Variants in PACS2 observed in about 807,000 individuals in gnomAD.
PACS2 encodes phosphofurin acidic cluster sorting protein 2.
In PACS2, 36 loss-of-function variants were observed where a neutral mutation model predicts 113.0. The observed-to-expected ratio is 0.32, with a 90% CI of 0.24 to 0.42. The LOEUF is 0.42. Among genes scored for constraint, PACS2 ranks in the 10% least tolerant of loss-of-function variants. The probability of loss-of-function intolerance (pLI) is 1.00; values close to 1 mark genes in which losing one functional copy is unlikely to be tolerated. For missense variants in PACS2, 1,015 were observed against 1,239.5 expected (o/e 0.82, Z 2.72); for synonymous variants, 589 against 536.1 (o/e 1.10, Z -1.36).
At chr14:105,391,901 G>A in intron 22 of PACS2, 135 bp downstream of exon 22, 1 of 920,138 alleles carries the variant, frequency 1.1e-6, no homozygotes, top group Non-Finnish European at 1.6e-6. Context: ...GAGGGGCTCT[G>A]CAGGACGGCT....
At chr14:105,312,212 C>A (rs908729277), upstream of PACS2, among the ~76,000 whole-genome samples, 1 of 152,246 alleles carries the variant, frequency 6.6e-6, no homozygotes, top group African/African-American at 2.4e-5. Context: ...CCTAGCGAAG[C>A]CAGGCGGACA....
intron 14 of PACS2, 78 bp downstream of exon 14, chr14:105,382,659 C>CAGGTGTGCCGGGTA: frequency 1.9e-6 from 2 of 1,029,596 alleles, no homozygotes; most frequent in Non-Finnish European, 3.0e-6. Flanking sequence ...GCCCCCTACC[C>CAGGTGTGCCGGGTA]GGCACACCTG....
At chr14:105,343,189 C>T (rs1229131003) in intron 1 of PACS2, among the ~76,000 whole-genome samples, 3 of 152,196 alleles carry the variant, frequency 2.0e-5, no homozygotes, top group African/African-American at 7.2e-5. Context: ...TCACTCAACA[C>T]GATGCCTTCC....
chr14:105,301,696 C>T (rs946329122), intron 1 of PACS2, among the ~76,000 whole-genome samples: 1 of 152,254 alleles, frequency 6.6e-6, no homozygotes, highest in Non-Finnish European at 1.5e-5. Context: ...TTCTAGCAGT[C>T]ATTCGTGGCC....
At position 105,368,333 on chromosome 14, in the gene PACS2, G is replaced by C. The variant is rs969802349; in HGVS notation, c.661-126G>C. ...CCCGAGTTTATGCTCAGGTGGCTCTGAGAGTCTTGGGACACAGGTGGGCTC... is the reference window on the plus strand; with the variant it reads ...CCCGAGTTTATGCTCAGGTGGCTCTCAGAGTCTTGGGACACAGGTGGGCTC... On this transcript the variant is annotated intron_variant, in intron 6 of 24. Coordinates refer to ENST00000447393, the MANE Select transcript of PACS2 (RefSeq NM_001100913.3). 4 of 861,968 alleles carry C rather than the reference G, an allele frequency of 4.6e-6. No homozygotes were observed. In the Admixed American group the frequency reaches 8.2e-5, roughly 18 times the overall value. 53.4% of individuals were successfully genotyped at this position (861,968 alleles called of 1,614,324 possible).
In PACS2 at chr14:105,358,252, G is replaced by A. The variant is rs1022445414; in HGVS notation, c.423+3075G>A. Among the ~76,000 whole-genome samples, 25 of 152,210 alleles carry A rather than the reference G, an allele frequency of 1.6e-4. No individual in the cohort carries two copies. The highest frequency in any genetic ancestry group is 9.6e-4 in the East Asian group (5 of 5,192). On this transcript the variant is annotated intron_variant, in intron 4 of 24. Coordinates refer to ENST00000447393, the MANE Select transcript of PACS2 (RefSeq NM_001100913.3). The surrounding 1 kb of genome is among the most constrained non-coding windows in gnomAD (Gnocchi z 4.9). ...TGGGTGCCAGGAGCTGGACGCCGGC[G>A]TGGGGTGGCTTAGGTCTGCAGGCTG...
intron 1 of PACS2, among the ~76,000 whole-genome samples, chr14:105,305,577 T>G (rs1022495017): frequency 6.6e-6 from 1 of 152,152 alleles, no homozygotes; most frequent in African/African-American, 2.4e-5. Flanking sequence ...ATAAGCCACT[T>G]GGACTGTGGT....
At chr14:105,390,361 G>A (rs1023635166) in intron 20 of PACS2, 1 of 328,132 alleles carries the variant, frequency 3.0e-6, no homozygotes, top group Middle Eastern at 1.0e-3. Context: ...AGGAGCCCAA[G>A]GCCCCGGGAG....
rs1555407900 is a variant in PACS2, at chr14:105,366,278, G to A, written c.424-935G>A. Among the ~76,000 whole-genome samples the A allele has an allele frequency of 1.3e-5, 2 of 152,252 alleles. No individual in the cohort carries two copies. Among genetic ancestry groups the A allele is most frequent in the Non-Finnish European group, 2.9e-5 (2 of 68,044 alleles). ...CAGGAGAATCACTTGAACCCAGGAG[G>A]CGGAGGTTGCAGTGAGCCAAGATCG... is the stretch of plus-strand genomic sequence containing the variant. On this transcript the variant is annotated intron_variant, in intron 4 of 24. Transcript: ENST00000447393. This position sits in a 1 kb window ranked among gnomAD's most constrained non-coding sequence, Gnocchi z 4.3.
At chr14:105,352,999 C>A (rs587689871) in intron 3 of PACS2, among the ~76,000 whole-genome samples, 9 of 128,866 alleles carry the variant, frequency 7.0e-5, no homozygotes, top group East Asian at 4.9e-4. Flanking sequence ...GGTGACGGGC[C>A]CCCTCATCAC....
chr14:105,393,955 G>A (rs977477953), intron 24 of PACS2, among the ~76,000 whole-genome samples: 8 of 150,702 alleles, frequency 5.3e-5, no homozygotes, highest in Non-Finnish European at 8.8e-5. Flanking sequence ...GGAGAATGGC[G>A]TGAACCCGGG....
At chr14:105,320,508 TA>T (rs2140836028) in intron 1 of PACS2, among the ~76,000 whole-genome samples, 1 of 152,302 alleles carries the variant, frequency 6.6e-6, no homozygotes, top group South Asian at 2.1e-4. Context: ...CTGGCCTGGC[TA>T]ATTTTAAATT....
At chr14:105,314,248 G>C (rs975538938), upstream of PACS2, among the ~76,000 whole-genome samples, 7 of 151,844 alleles carry the variant, frequency 4.6e-5, no homozygotes, top group Non-Finnish European at 1.0e-4. Flanking sequence ...GCGGGGGTCG[G>C]CAGGAGACAA....
intron 4 of PACS2, among the ~76,000 whole-genome samples, chr14:105,364,363 GCA>G (rs2060855036): frequency 6.9e-6 from 1 of 144,954 alleles, no homozygotes; most frequent in African/African-American, 2.6e-5. Flanking sequence ...TGTCCCGGGT[GCA>G]CGGTGGGCGT....
At chr14:105,325,028 G>C (rs954224033) in intron 1 of PACS2, among the ~76,000 whole-genome samples, 1 of 152,152 alleles carries the variant, frequency 6.6e-6, no homozygotes, top group African/African-American at 2.4e-5. Context: ...GCCCCAACCA[G>C]CCTTTCCTCA....
rs587757856 is a variant in PACS2, at chr14:105,364,051, C to A, written c.424-3162C>A. 3.9e-5 allele frequency among the ~76,000 whole-genome samples: 6 copies of A among 152,192 alleles called. No homozygotes were observed. In the South Asian group the frequency reaches 1.2e-3, roughly 32 times the overall value. ...CCCAGAGCAGTTGTGATAGTCACAC[C>A]GTAGCTCACTGATCACAGATCACCA... On this transcript the variant is annotated intron_variant, in intron 4 of 24. Transcript: ENST00000447393.
chr14:105,359,983 C>T (rs185556727), intron 4 of PACS2, among the ~76,000 whole-genome samples: 3 of 152,316 alleles, frequency 2.0e-5, no homozygotes, highest in East Asian at 3.9e-4. Context: ...CCATCTGTAA[C>T]AATTGCCTAC....
At chr14:105,360,824 A>C (rs2141090697) in intron 4 of PACS2, among the ~76,000 whole-genome samples, 1 of 152,094 alleles carries the variant, frequency 6.6e-6, no homozygotes, top group Non-Finnish European at 1.5e-5. Context: ...GTCCTCTCAA[A>C]CCCCGTTGCT....
chr14:105,351,691 A>G (rs2060186401), intron 2 of PACS2, among the ~76,000 whole-genome samples: 1 of 152,108 alleles, frequency 6.6e-6, no homozygotes, highest in African/African-American at 2.4e-5. Flanking sequence ...TACAAAAATT[A>G]TTGTATATTT....
Sources: gnomAD v4.1 joint callset for allele counts (sites outside exome capture counted in the v4.1 genomes callset) on GRCh38, gnomAD v4.1.1 for gene constraint, Gnocchi (gnomAD v3.1) non-coding constraint, MANE v1.5 for transcripts, NCBI Gene and HGNC (gene_info 2026-07-23, HGNC 2026-07-21) for gene names.